The following DGKH variants were observed in gnomAD, a reference collection of about 807,000 sequenced individuals.
DGKH encodes diacylglycerol kinase eta, also known as DAG kinase eta.
Under a neutral mutation model 159.3 loss-of-function variants are expected in DGKH, and 90 were observed. The ratio of observed to expected loss-of-function variants is 0.57; its 90% CI spans 0.48 to 0.67. The LOEUF (loss-of-function observed/expected upper bound fraction) is 0.67. DGKH is among the 30% of genes least tolerant of loss of function. DGKH has a pLI of 0.00. For missense variants in DGKH, 1,181 were observed against 1,506.1 expected (o/e 0.78, Z 3.57); for synonymous variants, 536 against 553.8 (o/e 0.97, Z 0.45).
At position 42,183,658 on chromosome 13, in the gene DGKH, A is replaced by T. The variant is rs76134003; in HGVS notation, c.1539-3391A>T. Among the ~76,000 whole-genome samples the T allele has an allele frequency of 9.8e-3, 1,489 of 152,344 alleles. 26 individuals carry two copies. Among genetic ancestry groups the T allele is most frequent in the African/African-American group, 0.034 (1,396 of 41,570 alleles). ...TGGAAAAGTTGTATTCCACTAACAT[A>T]GCTAACATGTAGGTTAACCTAAAAC... On this transcript the variant is annotated intron_variant, in intron 13 of 29. Transcript: ENST00000337343.
intron 3 of DGKH, among the ~76,000 whole-genome samples, chr13:42,136,863 G>A (rs1955412738): frequency 6.6e-6 from 1 of 152,170 alleles, no homozygotes; most frequent in African/African-American, 2.4e-5. Context: ...CAGCAGATGT[G>A]AGTAAAGTTT....
At chr13:42,155,895 C>T (rs529381003) in intron 5 of DGKH, 96 bp downstream of exon 5, 8 of 1,413,222 alleles carry the variant, frequency 5.7e-6, no homozygotes, top group Admixed American at 1.9e-5. Flanking sequence ...GAGCTCTCCA[C>T]ACATAGGACT....
intron 1 of DGKH, among the ~76,000 whole-genome samples, chr13:42,111,345 C>G (rs1251344400): frequency 6.6e-6 from 1 of 152,056 alleles, no homozygotes; most frequent in Non-Finnish European, 1.5e-5. Context: ...CTTTGGGAGG[C>G]GAGGTGGGCA....
chr13:42,236,902 C>G lies in DGKH; in HGVS notation c.*7714C>G, dbSNP rs74896258. The G allele has an allele frequency of 0.11, 17,181 of 151,880 alleles. 1,214 individuals carry two copies. The highest frequency in any genetic ancestry group is 0.16 in the Non-Finnish European group (10,811 of 67,938). The allele number at this position is 151,880 out of a possible 1,614,324, so 9.4% of individuals were successfully genotyped here. A position where few individuals can be genotyped will look rare whatever the true frequency, so the allele number is the denominator to read the frequency against. Reference sequence around the variant, plus strand: ...TGGGCGACAGAGCGAGACTCTGTCTCAGGGGGAAAAAAAAGAATTTTGAAC... The same window carrying G: ...TGGGCGACAGAGCGAGACTCTGTCTGAGGGGGAAAAAAAAGAATTTTGAAC... On this transcript the variant is annotated 3_prime_UTR_variant, in exon 30 of 30. Transcript: ENST00000337343.
At chr13:42,209,838 A>G (rs1352196938) in intron 23 of DGKH, among the ~76,000 whole-genome samples, 1 of 152,064 alleles carries the variant, frequency 6.6e-6, no homozygotes, top group African/African-American at 2.4e-5. Flanking sequence ...AGTTTCCATT[A>G]CTCTTTGAGT....
At chr13:42,067,363 T>C (rs1882653581) in intron 1 of DGKH, among the ~76,000 whole-genome samples, 1 of 152,190 alleles carries the variant, frequency 6.6e-6, no homozygotes, top group Non-Finnish European at 1.5e-5. Context: ...CAAAAATCTC[T>C]TCTGTAAAAA....
chr13:42,067,932 T>C (rs1368035078), intron 1 of DGKH, among the ~76,000 whole-genome samples: 2 of 152,196 alleles, frequency 1.3e-5, no homozygotes, highest in Non-Finnish European at 2.9e-5. Flanking sequence ...TAAACTATAA[T>C]AATGATGTAC....
At chr13:42,251,283 G>A (rs1304576962) in intron 29 of DGKH, among the ~76,000 whole-genome samples, 4 of 152,156 alleles carry the variant, frequency 2.6e-5, no homozygotes, top group East Asian at 3.9e-4. Context: ...CAAGACCAGC[G>A]TGGGCAACAT....
intron 1 of DGKH, among the ~76,000 whole-genome samples, chr13:42,111,283 T>A (rs1307300049): frequency 6.6e-6 from 1 of 152,082 alleles, no homozygotes; most frequent in Non-Finnish European, 1.5e-5. Context: ...AGAGGGTGAT[T>A]AGAATATGTT....
At position 42,081,509 on chromosome 13, in the gene DGKH, T is replaced by C. The variant is rs371979356; in HGVS notation, c.192+32544T>C. On this transcript the variant is annotated intron_variant, in intron 1 of 29. Transcript: ENST00000337343. ...TTTCCCAAAGTGCTGAGATTACAGG[T>C]GTGAGCTACTGCGCCTGGCCTTTTT... Among the ~76,000 whole-genome samples, 48 of 152,348 alleles carry C rather than the reference T, an allele frequency of 3.2e-4. No homozygotes were observed. The South Asian group carries it at 1.0e-2, about 32-fold the overall frequency.
intron 16 of DGKH, among the ~76,000 whole-genome samples, chr13:42,192,312 C>G (rs1179374131): frequency 6.6e-6 from 1 of 152,162 alleles, no homozygotes; most frequent in Non-Finnish European, 1.5e-5. Flanking sequence ...ACATCCCACT[C>G]TTATGGTCAG....
At chr13:42,166,149 TAA>T (rs1379476290) in intron 8 of DGKH, among the ~76,000 whole-genome samples, 15 of 152,112 alleles carry the variant, frequency 9.9e-5, no homozygotes, top group Admixed American at 8.5e-4. Context: ...ATCTTAGATA[TAA>T]GTTTATAAAC....
intron 3 of DGKH, among the ~76,000 whole-genome samples, chr13:42,136,335 T>C (rs1955402517): frequency 6.6e-6 from 1 of 152,256 alleles, no homozygotes; most frequent in South Asian, 2.1e-4. Context: ...TTTCCACTTT[T>C]ATCTCATATT....
intron 26 of DGKH, among the ~76,000 whole-genome samples, chr13:42,217,898 G>A (rs1308843131): frequency 1.3e-5 from 2 of 152,124 alleles, no homozygotes; most frequent in African/African-American, 4.8e-5. Flanking sequence ...GCCAGGCCTG[G>A]TGGCATGCGC....
chr13:42,192,012 G>A (rs377035731), intron 16 of DGKH, among the ~76,000 whole-genome samples: 6 of 152,090 alleles, frequency 3.9e-5, no homozygotes, highest in Non-Finnish European at 5.9e-5. Context: ...GGGTTGCTGC[G>A]AAGGTTGAAA....
At chr13:42,053,190 G>T (rs1393148866) in intron 1 of DGKH, among the ~76,000 whole-genome samples, 1 of 151,696 alleles carries the variant, frequency 6.6e-6, no homozygotes, top group South Asian at 2.1e-4. Context: ...AAACCCAAAA[G>T]AAGACCAAAA....
At position 42,229,721 on chromosome 13, in the gene DGKH, A is replaced by G. The variant is rs186810834; in HGVS notation, c.*533A>G. ...GTCAAATATGTTGAAAACCTTTCCA[A>G]TACTATGAATGAATGCAAATCTTAA... On this transcript the variant is annotated 3_prime_UTR_variant, in exon 30 of 30. Coordinates refer to ENST00000337343, the MANE Select transcript of DGKH (RefSeq NM_178009.5). The G allele has an allele frequency of 2.0e-5, 3 of 152,672 alleles. 1 individual carries two copies. The highest frequency in any genetic ancestry group is 6.8e-3 in the Middle Eastern group (2 of 294). 9.5% of individuals were successfully genotyped at this position (152,672 alleles called of 1,614,324 possible).
intron 21 of DGKH, among the ~76,000 whole-genome samples, chr13:42,206,810 A>G (rs1298787515): frequency 6.6e-6 from 1 of 152,046 alleles, no homozygotes; most frequent in East Asian, 1.9e-4. Context: ...TAGATCACCC[A>G]GGATCATCCC....
At chr13:42,080,436 C>T (rs1289911450) in intron 1 of DGKH, among the ~76,000 whole-genome samples, 2 of 152,122 alleles carry the variant, frequency 1.3e-5, no homozygotes, top group Non-Finnish European at 2.9e-5. Context: ...ATTATGACTT[C>T]CAGTATAAGC....
Sources: gnomAD v4.1 joint callset for allele counts (sites outside exome capture counted in the v4.1 genomes callset) on GRCh38, gnomAD v4.1.1 for gene constraint, MANE v1.5 for transcripts, NCBI Gene and HGNC (gene_info 2026-07-23, HGNC 2026-07-21) for gene names.